HOXC11: variants seen among roughly 807,000 people sequenced by gnomAD.
HOXC11 encodes homeobox protein Hox-C11.
Under a neutral mutation model 23.6 loss-of-function variants are expected in HOXC11, and 17 were observed. The ratio of observed to expected loss-of-function variants is 0.72; its 90% confidence interval spans 0.49 to 1.08. The LOEUF (loss-of-function observed/expected upper bound fraction) is 1.08, where lower values mean the gene tolerates loss of function less well. HOXC11 is among the 50% of genes least tolerant of loss of function. The pLI is 0.00. For missense variants in HOXC11, 413 were observed against 412.1 expected, an observed-to-expected ratio of 1.00 and a Z score of -0.02; for synonymous variants, 196 against 183.8, an observed-to-expected ratio of 1.07 and a Z score of -0.54.
In HOXC11 at chr12:53,973,993, G is replaced by A. The variant is rs1016457991; in HGVS notation, c.682+70G>A. 1.6e-6 allele frequency: 2 copies of A among 1,285,484 alleles called. No homozygotes were observed. Among genetic ancestry groups the A allele is most frequent in the South Asian group, 1.6e-5 (1 of 62,272 alleles). The allele number at this position is 1,285,484 out of a possible 1,614,324, so 79.6% of individuals were successfully genotyped here. ...GCGAGAGAGGGAGGGCGAGAGAAGG[G>A]GGGAGGCAAGGGGAGCGGGGACGGC... On this transcript the variant is annotated intron_variant, in intron 1 of 1. Coordinates refer to ENST00000546378, the MANE Select transcript of HOXC11 (RefSeq NM_014212.4). The surrounding 1 kb of genome is among the most constrained non-coding windows in gnomAD (Gnocchi z 4.3).
rs2136375307 is a variant in HOXC11 at position 53,973,281 on chromosome 12, T to C, written c.40T>C (p.Ser14Pro). The part of the protein sequence containing the change: ...SVNLGNFCSP[S>P]RKERGADFGE... ...CAACCTGGGCAACTTCTGCTCTCCG[T>C]CGCGCAAGGAGAGGGGCGCAGATTT... The change falls in exon 1 of 2, where the codon TCG becomes CCG. Residue 14 changes from serine to proline, a missense_variant. Transcript: ENST00000546378. The surrounding 1 kb of genome is among the most constrained non-coding windows in gnomAD (Gnocchi z 4.3). The C allele has an allele frequency of 2.5e-6, 4 of 1,613,366 alleles. No homozygotes were observed. The South Asian group carries it at 3.3e-5, about 13-fold the overall frequency.
At position 53,975,217 on chromosome 12, in the gene HOXC11, C is replaced by G. The variant is rs766056296; in HGVS notation, c.719C>G (p.Ser240Trp). 3.5e-5 allele frequency: 57 copies of G among 1,610,692 alleles called. No individual in the cohort carries two copies. Among genetic ancestry groups the G allele is most frequent in the Non-Finnish European group, 4.7e-5 (56 of 1,179,376 alleles). The stretch of plus-strand genomic sequence containing the variant: ...ACCCGCAAGAAGCGCTGCCCTTATT[C>G]GAAATTCCAGATCCGGGAACTGGAG... ...PRTRKKRCPY[S>W]KFQIRELERE... Residue 240 changes from serine to tryptophan, a missense_variant, in exon 2 of 2, where the codon TCG (serine) becomes TGG (tryptophan). Physicochemically the swap from Ser to Trp is radical, Grantham distance 177 (BLOSUM62 -3). Transcript: ENST00000546378.
rs749585496 is a variant in HOXC11, at chr12:53,973,661, A to G, written c.420A>G (p.Ser140=). The change falls in exon 1 of 2, where the codon TCA becomes TCG. Residue 140 remains serine, a synonymous_variant. Coordinates refer to ENST00000546378, the MANE Select transcript of HOXC11 (RefSeq NM_014212.4). The surrounding 1 kb of genome is among the most constrained non-coding windows in gnomAD (Gnocchi z 4.3). Reference sequence around the variant, plus strand: ...CAACCCCCGCCGGCTTCTACTCCTCAGTCAACAAGAACAGCGTCCTGCCTC... The same window carrying G: ...CAACCCCCGCCGGCTTCTACTCCTCGGTCAACAAGAACAGCGTCCTGCCTC... ...PHATPAGFYS[S]VNKNSVLPQA... is the part of the protein sequence containing the mutation. 1 of 1,613,264 alleles carries G rather than the reference A, an allele frequency of 6.2e-7. No individual in the cohort carries two copies. Among genetic ancestry groups the G allele is most frequent in the East Asian group, 2.2e-5 (1 of 44,854 alleles).
chr12:53,976,127 CT>C lies in HOXC11; in HGVS notation c.*730del, dbSNP rs768935038. 6,157 of 179,076 alleles carry C rather than the reference CT, an allele frequency of 0.034. 14 individuals carry two copies. Among genetic ancestry groups the C allele is most frequent in the East Asian group, 0.12 (1,448 of 11,930 alleles). 11.1% of individuals were successfully genotyped at this position (179,076 alleles called of 1,614,324 possible). A position where few individuals can be genotyped will look rare whatever the true frequency, so the allele number is the denominator to read the frequency against. On this transcript the variant is annotated 3_prime_UTR_variant, in exon 2 of 2. Coordinates refer to ENST00000546378, the MANE Select transcript of HOXC11 (RefSeq NM_014212.4). ...GCTATAGTCTATGCAGTCGTTACCTCTTTTTTTTTTTTTTTTAAGAAAATTG... is the reference window on the plus strand; with the variant it reads ...GCTATAGTCTATGCAGTCGTTACCTCTTTTTTTTTTTTTTTAAGAAAATTG...
chr12:53,975,596 G>T lies in HOXC11; in HGVS notation c.*183G>T, dbSNP rs1939242345. ...CTCCTGGACCCTCTATCTGACTCTC[G>T]CTGTGGGACAGGGACCGGGCCTGGA... On this transcript the variant is annotated 3_prime_UTR_variant, in exon 2 of 2. Transcript: ENST00000546378. 1 of 657,766 alleles carries T rather than the reference G, an allele frequency of 1.5e-6. No homozygotes were observed. The highest frequency in any genetic ancestry group is 2.7e-6 in the Non-Finnish European group (1 of 369,768). The allele number at this position is 657,766 out of a possible 1,614,324, so 40.7% of individuals were successfully genotyped here.
In HOXC11 at chr12:53,975,388, A is replaced by G. The variant is rs769419141; in HGVS notation, c.890A>G (p.Tyr297Cys). The G allele has an allele frequency of 6.2e-7, 1 of 1,612,076 alleles. No homozygotes were observed. Among genetic ancestry groups the G allele is most frequent in the Non-Finnish European group, 8.5e-7 (1 of 1,179,136 alleles). The change falls in exon 2 of 2, where the codon TAT (tyrosine) becomes TGT (cysteine). Residue 297 changes from tyrosine to cysteine, a missense_variant. Transcript: ENST00000546378. ...EKKLSRDRLQ[Y>C]FSGNPLL ...AAACTGAGCAGAGACCGGCTGCAGT[A>G]TTTCTCGGGAAATCCTCTGCTGTAA...
rs1319207293 is a variant in HOXC11 at position 53,973,930 on chromosome 12, AGCAGCGGCCGGGGAACGG to A, written c.682+10_682+27del. On this transcript the variant is annotated splice_region_variant and intron_variant, in intron 1 of 1. Coordinates refer to ENST00000546378, the MANE Select transcript of HOXC11 (RefSeq NM_014212.4). This position sits in a 1 kb window ranked among gnomAD's most constrained non-coding sequence, Gnocchi z 4.3. ...GCCAAAGGAGCCGCCCCCAGTAGGT[AGCAGCGGCCGGGGAACGG>A]GCGGGCAGCGAGGGAGGGAGCGAGA... The A allele has an allele frequency of 7.0e-7, 1 of 1,436,854 alleles. No individual in the cohort carries two copies. The highest frequency in any genetic ancestry group is 1.5e-5 in the African/African-American group (1 of 68,660). The allele number at this position is 1,436,854 out of a possible 1,614,324, so 89.0% of individuals were successfully genotyped here.
chr12:53,974,911 C>T, intron 1 of HOXC11: 2 of 430,076 alleles, frequency 4.7e-6, no homozygotes, highest in Non-Finnish European at 8.2e-6. Flanking sequence ...GAGGGCTTTC[C>T]TTCTGTCCCA....
At chr12:53,974,176 A>AC (rs1298631997) in intron 1 of HOXC11, among the ~76,000 whole-genome samples, 8 of 151,036 alleles carry the variant, frequency 5.3e-5, no homozygotes, top group South Asian at 2.1e-4. Context: ...AGCCGGGTGA[A>AC]CCCCCCTCCC....
intron 1 of HOXC11, among the ~76,000 whole-genome samples, chr12:53,974,410 A>G (rs1014030970): frequency 1.3e-5 from 2 of 151,980 alleles, no homozygotes; most frequent in African/African-American, 4.8e-5. Flanking sequence ...ATGGAGCAGA[A>G]CCTGAGACCG....
Position 53,973,259 on chromosome 12 carries a change from C to G in HOXC11, c.18C>G (p.Asn6Lys), listed in dbSNP as rs34028255. The G allele has an allele frequency of 2.6e-5, 41 of 1,607,546 alleles. No individual in the cohort carries two copies. Among genetic ancestry groups the G allele is most frequent in the Non-Finnish European group, 3.2e-5 (38 of 1,177,762 alleles). Residue 6 changes from asparagine to lysine, a missense_variant, in exon 1 of 2, where the codon AAC (asparagine) becomes AAG (lysine). Physicochemically the swap from Asn to Lys is moderately conservative, Grantham distance 94. Coordinates refer to ENST00000546378, the MANE Select transcript of HOXC11 (RefSeq NM_014212.4). This position sits in a 1 kb window ranked among gnomAD's most constrained non-coding sequence, Gnocchi z 4.3. The stretch of plus-strand genomic sequence containing the variant: ...GGAGAACGATGTTTAACTCGGTCAA[C>G]CTGGGCAACTTCTGCTCTCCGTCGC... Reference protein sequence around the residue: MFNSVNLGNFCSPSRK... With the variant: MFNSVKLGNFCSPSRK...
rs771883227 is a variant in HOXC11, at chr12:53,976,473, A to C, written c.*1060A>C. 8.4e-5 allele frequency: 15 copies of C among 177,738 alleles called. No individual in the cohort carries two copies. Among genetic ancestry groups the C allele is most frequent in the Non-Finnish European group, 1.2e-4 (10 of 82,560 alleles). 11.0% of individuals were successfully genotyped at this position (177,738 alleles called of 1,614,324 possible). A position where few individuals can be genotyped will look rare whatever the true frequency, so the allele number is the denominator to read the frequency against. On this transcript the variant is annotated 3_prime_UTR_variant, in exon 2 of 2. Transcript: ENST00000546378. ...AACCCCTCTCCTCTTAAAATCCTCCATGCTCCCATGGCAGCGGCGGAGGAG... is the reference window on the plus strand; with the variant it reads ...AACCCCTCTCCTCTTAAAATCCTCCCTGCTCCCATGGCAGCGGCGGAGGAG...
chr12:53,977,419 A>G lies in HOXC11; in HGVS notation c.*2006A>G, dbSNP rs151100917. The G allele has an allele frequency of 3.7e-4, 57 of 152,352 alleles. No homozygotes were observed. The highest frequency in any genetic ancestry group is 1.4e-3 in the African/African-American group (57 of 41,582). The allele number at this position is 152,352 out of a possible 1,614,324, so 9.4% of individuals were successfully genotyped here. A position where few individuals can be genotyped will look rare whatever the true frequency, so the allele number is the denominator to read the frequency against. On this transcript the variant is annotated 3_prime_UTR_variant, in exon 2 of 2. Transcript: ENST00000546378. Reference sequence around the variant, plus strand: ...TCTAGGTTCTGTCATTTTTGATGGTAGGAATCCCTGCAGCTTAGGTATCTA... The same window carrying G: ...TCTAGGTTCTGTCATTTTTGATGGTGGGAATCCCTGCAGCTTAGGTATCTA...
In HOXC11 at chr12:53,973,314, C is replaced by G; in HGVS notation, c.73C>G (p.Arg25Gly). The G allele has an allele frequency of 1.3e-5, 21 of 1,614,022 alleles. No individual in the cohort carries two copies. Among genetic ancestry groups the G allele is most frequent in the Non-Finnish European group, 1.8e-5 (21 of 1,180,016 alleles). ...RKERGADFGE[R>G]GSCASNLYLP... The stretch of plus-strand genomic sequence containing the variant: ...GGAGAGGGGCGCAGATTTCGGCGAG[C>G]GAGGGAGCTGCGCCTCCAACCTCTA... Residue 25 changes from arginine (R) to glycine (G), a missense_variant, in exon 1 of 2, where the codon CGA becomes GGA. Transcript: ENST00000546378. The surrounding 1 kb of genome is among the most constrained non-coding windows in gnomAD (Gnocchi z 4.3).
At position 53,973,649 on chromosome 12, in the gene HOXC11, C is replaced by G. The variant is rs1202075673; in HGVS notation, c.408C>G (p.Gly136=). ...GCGCCCCGCACGCAACCCCCGCCGG[C>G]TTCTACTCCTCAGTCAACAAGAACA... ...HPSAPHATPA[G]FYSSVNKNSV... is the part of the protein sequence containing the mutation. The change falls in exon 1 of 2, where the codon GGC becomes GGG. Residue 136 remains glycine (G), a synonymous_variant. Transcript: ENST00000546378. This position sits in a 1 kb window ranked among gnomAD's most constrained non-coding sequence, Gnocchi z 4.3. 6.2e-7 allele frequency: 1 copy of G among 1,613,662 alleles called. No homozygotes were observed. Among genetic ancestry groups the G allele is most frequent in the Non-Finnish European group, 8.5e-7 (1 of 1,180,038 alleles).
Position 53,975,721 on chromosome 12 carries a change from C to T in HOXC11, c.*308C>T. 2 of 547,782 alleles carry T rather than the reference C, an allele frequency of 3.7e-6. No homozygotes were observed. The highest frequency in any genetic ancestry group is 3.2e-6 in the Non-Finnish European group (1 of 311,684). The allele number at this position is 547,782 out of a possible 1,614,324, so 33.9% of individuals were successfully genotyped here. ...AGAAAACACACCTCGGCGACAATGT[C>T]TTGCTGCTCGGATTAGGTGGGGGAG... On this transcript the variant is annotated 3_prime_UTR_variant, in exon 2 of 2. Coordinates refer to ENST00000546378, the MANE Select transcript of HOXC11 (RefSeq NM_014212.4).
rs1939183160 is a variant in HOXC11, at chr12:53,973,375, C to G, written c.134C>G (p.Ser45Cys). 6.2e-7 allele frequency: 1 copy of G among 1,611,320 alleles called. No homozygotes were observed. Among genetic ancestry groups the G allele is most frequent in the Non-Finnish European group, 8.5e-7 (1 of 1,179,056 alleles). Reference sequence around the variant, plus strand: ...TGCACTTACTACATGCCCGAGTTCTCCACGGTCTCCTCCTTCCTGCCCCAG... The same window carrying G: ...TGCACTTACTACATGCCCGAGTTCTGCACGGTCTCCTCCTTCCTGCCCCAG... ...PSCTYYMPEF[S>C]TVSSFLPQAP... The change falls in exon 1 of 2, where the codon TCC (serine) becomes TGC (cysteine). Residue 45 changes from serine to cysteine, a missense_variant. Coordinates refer to ENST00000546378, the MANE Select transcript of HOXC11 (RefSeq NM_014212.4). This position sits in a 1 kb window ranked among gnomAD's most constrained non-coding sequence, Gnocchi z 4.3.
In HOXC11 at chr12:53,973,764, G is replaced by C. The variant is rs776956613; in HGVS notation, c.523G>C (p.Gly175Arg). Residue 175 changes from glycine to arginine, a missense_variant, in exon 1 of 2, where the codon GGC becomes CGC. Coordinates refer to ENST00000546378, the MANE Select transcript of HOXC11 (RefSeq NM_014212.4). This position sits in a 1 kb window ranked among gnomAD's most constrained non-coding sequence, Gnocchi z 4.3. ...PPAEPPCSGK[G>R]EAKGEPEAPP... ...CGCCGAGCCCCCCTGCTCCGGCAAG[G>C]GCGAGGCCAAGGGGGAGCCCGAGGC... 1 of 1,611,842 alleles carries C rather than the reference G, an allele frequency of 6.2e-7. No homozygotes were observed. Among genetic ancestry groups the C allele is most frequent in the South Asian group, 1.1e-5 (1 of 90,994 alleles).
At position 53,973,258 on chromosome 12, in the gene HOXC11, A is replaced by G. The variant is rs1266429383; in HGVS notation, c.17A>G (p.Asn6Ser). The G allele has an allele frequency of 8.7e-6, 14 of 1,607,332 alleles. No homozygotes were observed. Among genetic ancestry groups the G allele is most frequent in the African/African-American group, 2.7e-5 (2 of 75,034 alleles). ...AGGAGAACGATGTTTAACTCGGTCA[A>G]CCTGGGCAACTTCTGCTCTCCGTCG... MFNSV[N>S]LGNFCSPSRK... The change falls in exon 1 of 2, where the codon AAC (asparagine) becomes AGC (serine). Residue 6 changes from asparagine (N) to serine (S), a missense_variant. Coordinates refer to ENST00000546378, the MANE Select transcript of HOXC11 (RefSeq NM_014212.4). The surrounding 1 kb of genome is among the most constrained non-coding windows in gnomAD (Gnocchi z 4.3).
Sources: allele counts gnomAD v4.1 joint callset (sites outside exome capture counted in the v4.1 genomes callset), GRCh38; gene constraint gnomAD v4.1.1; non-coding constraint Gnocchi (gnomAD v3.1); transcripts MANE v1.5; gene names NCBI Gene and HGNC (gene_info 2026-07-23, HGNC 2026-07-21).